MCPH1: variants seen among roughly 807,000 people sequenced by gnomAD.
MCPH1 encodes microcephalin.
In MCPH1, 104 loss-of-function variants were observed where a neutral mutation model predicts 84.5. That is an observed-to-expected ratio of 1.23 (90% CI 1.05 to 1.45). The LOEUF (loss-of-function observed/expected upper bound fraction) is 1.45, where lower values mean the gene tolerates loss of function less well. MCPH1 is among the 40% of genes most tolerant of loss of function. The probability of loss-of-function intolerance (pLI) is 0.00; values close to 1 mark genes in which losing one functional copy is unlikely to be tolerated. For missense variants in MCPH1, 1,498 were observed against 1,005.7 expected (o/e 1.49, Z -6.62); for synonymous variants, 514 against 366.8 (o/e 1.40, Z -4.58).
At position 6,467,794 on chromosome 8, in the gene MCPH1, G is replaced by T. The variant is rs145638785; in HGVS notation, c.1936-9800G>T. ...TTTGTTTGTTTTAGAGATGGGATTTGGCTGTGTTGACCAGGCTGGTCTTGA... is the reference window on the plus strand; with the variant it reads ...TTTGTTTGTTTTAGAGATGGGATTTTGCTGTGTTGACCAGGCTGGTCTTGA... On this transcript the variant is annotated intron_variant, in intron 9 of 13. Transcript: ENST00000344683. Among the ~76,000 whole-genome samples, 9 of 152,126 alleles carry T rather than the reference G, an allele frequency of 5.9e-5. No homozygotes were observed. The South Asian group carries it at 1.9e-3, about 32-fold the overall frequency.
At position 6,522,211 on chromosome 8, in the gene MCPH1, C is replaced by T. The variant is rs1817489096; in HGVS notation, c.2214+22282C>T. ...TCCACTAAAAATACAAAAAATTCTC[C>T]AGGCGTGGTGGCGGGCGCCTGTAGT... On this transcript the variant is annotated intron_variant, in intron 12 of 13. Transcript: ENST00000344683. 2.0e-5 allele frequency among the ~76,000 whole-genome samples: 3 copies of T among 151,978 alleles called. No individual in the cohort carries two copies. The South Asian group carries it at 6.2e-4, about 32-fold the overall frequency.
At chr8:6,484,131 A>C (rs1413748861) in intron 11 of MCPH1, among the ~76,000 whole-genome samples, 1 of 152,238 alleles carries the variant, frequency 6.6e-6, no homozygotes, top group Non-Finnish European at 1.5e-5. Flanking sequence ...TGAAGAGATC[A>C]GAAGAAAACG....
At chr8:6,511,070 C>A (rs987842608) in intron 12 of MCPH1, among the ~76,000 whole-genome samples, 4 of 152,198 alleles carry the variant, frequency 2.6e-5, no homozygotes, top group Non-Finnish European at 4.4e-5. Context: ...TTAACTCTCT[C>A]TTGTCTCCTT....
At chr8:6,508,255 GC>G (rs1419885439) in intron 12 of MCPH1, 1 of 152,416 alleles carries the variant, frequency 6.6e-6, no homozygotes, top group Non-Finnish European at 1.5e-5. Flanking sequence ...TTCGAGACCA[GC>G]CTGGCAAACA....
Position 6,442,100 on chromosome 8 carries a change from C to T in MCPH1, c.614C>T (p.Pro205Leu), listed in dbSNP as rs587783742. Residue 205 changes from proline (P) to leucine (L), a missense_variant, in exon 7 of 14, where the codon CCA becomes CTA. Coordinates refer to ENST00000344683, the MANE Select transcript of MCPH1 (RefSeq NM_024596.5). ...SQMIQQSHDN[P>L]SNSLCEAPLN... Reference sequence around the variant, plus strand: ...ATGATTCAGCAGTCTCATGATAATCCAAGTAACTCTCTGTGTGAAGCACCT... The same window carrying T: ...ATGATTCAGCAGTCTCATGATAATCTAAGTAACTCTCTGTGTGAAGCACCT... 18 of 1,613,414 alleles carry T rather than the reference C, an allele frequency of 1.1e-5. No homozygotes were observed. The South Asian group carries it at 1.6e-4, about 15-fold the overall frequency.
In MCPH1 at chr8:6,577,068, C is replaced by T. The variant is rs576578219; in HGVS notation, c.2215-44386C>T. 2.6e-5 allele frequency among the ~76,000 whole-genome samples: 4 copies of T among 152,268 alleles called. No individual in the cohort carries two copies. The South Asian group carries it at 6.2e-4, about 24-fold the overall frequency. ...CCACTGGAATTACGCTCTGGACAAG[C>T]GGCAAGATACTCCTTTCAGTCCCAG... On this transcript the variant is annotated intron_variant, in intron 12 of 13. Coordinates refer to ENST00000344683, the MANE Select transcript of MCPH1 (RefSeq NM_024596.5).
At chr8:6,539,481 T>G (rs538623331) in intron 12 of MCPH1, among the ~76,000 whole-genome samples, 3 of 152,342 alleles carry the variant, frequency 2.0e-5, no homozygotes, top group African/African-American at 7.2e-5. Flanking sequence ...ACACTTGCCT[T>G]CACCTGCCCT....
intron 12 of MCPH1, among the ~76,000 whole-genome samples, chr8:6,596,693 C>T (rs1828950621): frequency 1.3e-5 from 2 of 152,036 alleles, no homozygotes. Flanking sequence ...CTTTGTATTG[C>T]CGGAGACCAG....
At chr8:6,586,115 C>G (rs1007263706) in intron 12 of MCPH1, among the ~76,000 whole-genome samples, 3 of 152,142 alleles carry the variant, frequency 2.0e-5, no homozygotes, top group Non-Finnish European at 4.4e-5. Flanking sequence ...CATGTGCCAC[C>G]ATGCCCACGC....
At chr8:6,631,336 A>C (rs1373785793) in intron 13 of MCPH1, among the ~76,000 whole-genome samples, 1 of 152,244 alleles carries the variant, frequency 6.6e-6, no homozygotes, top group Admixed American at 6.5e-5. Context: ...ATTGCACTAT[A>C]TACAAATTAA....
chr8:6,435,944 A>T, intron 4 of MCPH1, 104 bp from the exon 5 acceptor site: 1 of 1,379,464 alleles, frequency 7.2e-7, no homozygotes, highest in South Asian at 1.3e-5. Flanking sequence ...AGAATTTTTT[A>T]TTACTGATGT....
rs146085602 is a variant in MCPH1, at chr8:6,592,149, GTTA to G, written c.2215-29287_2215-29285del. ...TTGCTCAATCTTAGTTATCATTATG[GTTA>G]TTATTATTATTATTATTTGAGACAG... On this transcript the variant is annotated intron_variant, in intron 12 of 13. Transcript: ENST00000344683. Among the ~76,000 whole-genome samples, 33 of 151,502 alleles carry G rather than the reference GTTA, an allele frequency of 2.2e-4. No homozygotes were observed. In the East Asian group the frequency reaches 5.4e-3, roughly 25 times the overall value.
chr8:6,513,819 T>C, intron 12 of MCPH1: 3 of 1,613,538 alleles, frequency 1.9e-6, no homozygotes, highest in Non-Finnish European at 2.5e-6. Context: ...TCCCAGCCAA[T>C]ATTCTCCTGA....
At chr8:6,555,237 A>G (rs1169363156) in intron 12 of MCPH1, among the ~76,000 whole-genome samples, 1 of 152,188 alleles carries the variant, frequency 6.6e-6, no homozygotes, top group Non-Finnish European at 1.5e-5. Flanking sequence ...ATGGACAATA[A>G]CAATCAAACC....
At chr8:6,593,081 G>T (rs1259833151) in intron 12 of MCPH1, among the ~76,000 whole-genome samples, 50 of 121,738 alleles carry the variant, frequency 4.1e-4, no homozygotes, top group African/African-American at 1.4e-3. Context: ...TTAGGGTGTG[G>T]TTTTTTTTTT....
chr8:6,521,862 A>G (rs931943687), intron 12 of MCPH1, among the ~76,000 whole-genome samples: 3 of 152,214 alleles, frequency 2.0e-5, no homozygotes, highest in Admixed American at 6.5e-5. Context: ...AATCCTAATG[A>G]TAATAATAGC....
At chr8:6,431,060 C>T (rs957907528) in intron 3 of MCPH1, among the ~76,000 whole-genome samples, 2 of 152,154 alleles carry the variant, frequency 1.3e-5, no homozygotes, top group Non-Finnish European at 2.9e-5. Context: ...TGGACAGAAA[C>T]ACAAAAAGGA....
chr8:6,563,824 G>A (rs878858069), intron 12 of MCPH1, among the ~76,000 whole-genome samples: 3 of 152,018 alleles, frequency 2.0e-5, no homozygotes, highest in Non-Finnish European at 4.4e-5. Context: ...ATTAAGTCAC[G>A]TTAGAAACAT....
At chr8:6,579,526 T>C (rs535508094) in intron 12 of MCPH1, among the ~76,000 whole-genome samples, 1 of 152,226 alleles carries the variant, frequency 6.6e-6, no homozygotes, top group Non-Finnish European at 1.5e-5. Context: ...TAATGAAAAG[T>C]GCTTAAGCAT....
Sources: gnomAD v4.1 joint callset for allele counts (sites outside exome capture counted in the v4.1 genomes callset) on GRCh38, gnomAD v4.1.1 for gene constraint, MANE v1.5 for transcripts, NCBI Gene and HGNC (gene_info 2026-07-23, HGNC 2026-07-21) for gene names.